Variants in ZMYM2 observed in about 807,000 individuals in gnomAD.
ZMYM2 encodes zinc finger MYM-type protein 2.
Under a neutral mutation model 162.8 loss-of-function variants are expected in ZMYM2, and 56 were observed. The ratio of observed to expected loss-of-function variants is 0.34; its 90% CI spans 0.28 to 0.43. ZMYM2 has a LOEUF of 0.43. Ranked by LOEUF, ZMYM2 falls within the 20% of genes least tolerant of loss-of-function variation. The probability of loss-of-function intolerance (pLI) is 1.00; values close to 1 mark genes in which losing one functional copy is unlikely to be tolerated. For synonymous variants in ZMYM2, 510 were observed against 541.6 expected (o/e 0.94, Z 0.81); for missense variants, 1,275 against 1,621.8 (o/e 0.79, Z 3.67).
At chr13:20,054,369 C>T (rs190185355) in intron 14 of ZMYM2, among the ~76,000 whole-genome samples, 106 of 152,348 alleles carry the variant, frequency 7.0e-4, no homozygotes, top group Middle Eastern at 3.4e-3. Context: ...ATGAGTCTTA[C>T]TTGAATCCTG....
intron 2 of ZMYM2, among the ~76,000 whole-genome samples, chr13:19,991,462 A>G (rs1949615644): frequency 1.3e-5 from 2 of 152,088 alleles, no homozygotes; most frequent in Admixed American, 1.3e-4. Flanking sequence ...TGACTTCAGC[A>G]CAACCTGGCA....
chr13:19,928,185 T>A, the ZMYM2 span, among the ~76,000 whole-genome samples: 1 of 152,138 alleles, frequency 6.6e-6, no homozygotes, highest in African/African-American at 2.4e-5. Context: ...TCCCTTTTAT[T>A]TCTTTGTAGA....
At chr13:20,014,782 T>TTTG (rs1555301860) in intron 6 of ZMYM2, among the ~76,000 whole-genome samples, 1 of 148,216 alleles carries the variant, frequency 6.7e-6, no homozygotes, top group African/African-American at 2.5e-5. Flanking sequence ...TTTTTTTTTT[T>TTTG]GGGGACAAAG....
rs1956562438 is a variant in ZMYM2 at position 19,973,960 on chromosome 13, T to A, written c.-11+13934T>A. 2.0e-5 allele frequency among the ~76,000 whole-genome samples: 3 copies of A among 152,270 alleles called. No homozygotes were observed. The South Asian group carries it at 6.2e-4, about 32-fold the overall frequency. ...GGCCCAGGGAAGCCAAAAGGTTGGG[T>A]ACCCTTACCATAGGGCATATAAGAA... is the stretch of plus-strand genomic sequence containing the variant. On this transcript the variant is annotated intron_variant, in intron 2 of 24. Transcript: ENST00000610343.
At position 20,072,938 on chromosome 13, in the gene ZMYM2, T is replaced by A. The variant is rs199568313; in HGVS notation, c.3453+5548T>A. Among the ~76,000 whole-genome samples the A allele has an allele frequency of 5.3e-5, 8 of 152,042 alleles. No homozygotes were observed. The East Asian group carries it at 1.5e-3, about 29-fold the overall frequency. Reference sequence around the variant, plus strand: ...TCTTTTTTTTTTTTGAGACAAAGTCTCACTTTGTCGCACAGGCTGGTGTGC... The same window carrying A: ...TCTTTTTTTTTTTTGAGACAAAGTCACACTTTGTCGCACAGGCTGGTGTGC... On this transcript the variant is annotated intron_variant, in intron 21 of 24. Coordinates refer to ENST00000610343, the MANE Select transcript of ZMYM2 (RefSeq NM_197968.4).
chr13:19,940,102 AATG>A, the ZMYM2 span, among the ~76,000 whole-genome samples: 663 of 152,348 alleles, frequency 4.4e-3, 4 homozygotes, highest in African/African-American at 0.015. Flanking sequence ...TCAAATATAG[AATG>A]ATATTTCATT....
the ZMYM2 span, among the ~76,000 whole-genome samples, chr13:19,925,611 G>A: frequency 6.6e-6 from 1 of 152,046 alleles, no homozygotes; most frequent in African/African-American, 2.4e-5. Context: ...GGTGGCTCAT[G>A]CCTGTAATCC....
intron 21 of ZMYM2, among the ~76,000 whole-genome samples, chr13:20,078,681 G>A (rs1390084840): frequency 6.6e-6 from 1 of 152,162 alleles, no homozygotes; most frequent in Non-Finnish European, 1.5e-5. Context: ...CCTTTGAAAT[G>A]TGGGTAGTCT....
chr13:19,869,595 C>T, the ZMYM2 span, among the ~76,000 whole-genome samples: 1 of 152,050 alleles, frequency 6.6e-6, no homozygotes, highest in East Asian at 1.9e-4. Context: ...TCAGACCAGC[C>T]TGGGCAACAT....
intron 2 of ZMYM2, among the ~76,000 whole-genome samples, chr13:19,986,425 A>G (rs771909001): frequency 6.6e-5 from 10 of 152,126 alleles, no homozygotes; most frequent in Non-Finnish European, 1.3e-4. Context: ...ATAAATTACT[A>G]CTTCATATCC....
intron 12 of ZMYM2, among the ~76,000 whole-genome samples, chr13:20,046,683 GTA>G (rs1245673505): frequency 8.7e-5 from 13 of 149,324 alleles, no homozygotes; most frequent in South Asian, 2.1e-4. Flanking sequence ...GTGTATATAT[GTA>G]TATATGTGTG....
chr13:19,911,794 G>C, the ZMYM2 span, among the ~76,000 whole-genome samples: 1 of 152,234 alleles, frequency 6.6e-6, no homozygotes, highest in Non-Finnish European at 1.5e-5. Context: ...CTGACCTGCG[G>C]AGTTAGGGCT....
chr13:20,034,434 CATTT>C, intron 11 of ZMYM2, 30 bp downstream of exon 11: 1 of 1,452,300 alleles, frequency 6.9e-7, no homozygotes, highest in Non-Finnish European at 9.1e-7. Flanking sequence ...TTGTTCATAA[CATTT>C]ATTGATATTT....
chr13:20,029,553 T>G (rs1952887338), intron 9 of ZMYM2, among the ~76,000 whole-genome samples: 1 of 152,228 alleles, frequency 6.6e-6, no homozygotes, highest in Non-Finnish European at 1.5e-5. Context: ...TCTGTATATT[T>G]TATTTTTCAC....
chr13:20,083,139 C>T (rs943065942), intron 23 of ZMYM2, 107 bp downstream of exon 23: 32 of 1,169,262 alleles, frequency 2.7e-5, no homozygotes, highest in East Asian at 7.8e-5. Context: ...CTCGGCTCAC[C>T]GCAACCTCTA....
At chr13:19,912,300 T>G in the ZMYM2 span, among the ~76,000 whole-genome samples, 375 of 150,952 alleles carry the variant, frequency 2.5e-3, 7 homozygotes, top group African/African-American at 8.8e-3. Flanking sequence ...GGGTTTTTTT[T>G]TTTTTTTTTT....
At chr13:19,909,336 G>A in the ZMYM2 span, among the ~76,000 whole-genome samples, 2 of 152,118 alleles carry the variant, frequency 1.3e-5, no homozygotes, top group African/African-American at 4.8e-5. Flanking sequence ...TGTTTAATTG[G>A]AGGTATTACA....
chr13:19,873,371 CAG>C, the ZMYM2 span, among the ~76,000 whole-genome samples: 2 of 140,842 alleles, frequency 1.4e-5, no homozygotes, highest in Non-Finnish European at 3.1e-5. Context: ...GGTTTCCAGA[CAG>C]AGTCAATTTT....
the ZMYM2 span, among the ~76,000 whole-genome samples, chr13:19,921,012 G>A: frequency 0.35 from 53,519 of 151,298 alleles, 10,549 homozygotes; most frequent in East Asian, 0.57. Flanking sequence ...CTCATGTTCC[G>A]CCCACTTTGG....
Sources: gnomAD v4.1 joint callset for allele counts (sites outside exome capture counted in the v4.1 genomes callset) on GRCh38, gnomAD v4.1.1 for gene constraint, MANE v1.5 for transcripts, NCBI Gene and HGNC (gene_info 2026-07-23, HGNC 2026-07-21) for gene names.